The following ALKBH5 variants were observed in gnomAD, a reference collection of about 807,000 sequenced individuals.
The protein encoded by ALKBH5 is RNA demethylase ALKBH5.
ALKBH5 carries 2 observed loss-of-function variants against 32.1 expected under a neutral mutation model. The observed-to-expected ratio is 0.06, with a 90% CI of 0.03 to 0.20. The LOEUF is 0.20. Among genes scored for constraint, ALKBH5 ranks in the 10% least tolerant of loss-of-function variants. The pLI is 1.00. For synonymous variants in ALKBH5, 300 were observed against 231.7 expected, an observed-to-expected ratio of 1.29 and a Z score of -2.68; for missense variants, 352 against 559.5, an observed-to-expected ratio of 0.63 and a Z score of 3.74.
At chr17:18,205,605 C>T (rs951325278) in intron 2 of ALKBH5, among the ~76,000 whole-genome samples, 8 of 152,224 alleles carry the variant, frequency 5.3e-5, no homozygotes, top group Admixed American at 3.3e-4. Context: ...AACTTTCCCC[C>T]GTGACTTGCA....
In ALKBH5 at chr17:18,184,351, C is replaced by T. The variant is rs2047122932; in HGVS notation, c.108C>T (p.Ala36=). ...GSREAAAAAA[A]AVAAAAAAAA... The stretch of plus-strand genomic sequence containing the variant: ...GGGAGGCCGCCGCCGCTGCCGCAGC[C>T]GCCGTAGCCGCCGCAGCCGCAGCCG... Residue 36 remains alanine (A), a synonymous_variant, in exon 1 of 4, where the codon GCC becomes GCT. Transcript: ENST00000399138. The T allele has an allele frequency of 2.6e-6, 4 of 1,512,808 alleles. No individual in the cohort carries two copies. The East Asian group carries it at 1.0e-4, about 39-fold the overall frequency. 93.7% of individuals were successfully genotyped at this position (1,512,808 alleles called of 1,614,324 possible). A position where few individuals can be genotyped will look rare whatever the true frequency, so the allele number is the denominator to read the frequency against.
chr17:18,185,046 G>A lies in ALKBH5; in HGVS notation c.770+33G>A. 3.2e-6 allele frequency: 5 copies of A among 1,585,442 alleles called. No individual in the cohort carries two copies. The South Asian group carries it at 4.5e-5, about 14-fold the overall frequency. The stretch of plus-strand genomic sequence containing the variant: ...ACCCGGGTGGAGGGGGCGGCCCTGC[G>A]CCTGCTGCCTTAGCTACCCACCCTG... On this transcript the variant is annotated intron_variant, in intron 1 of 3. Transcript: ENST00000399138.
rs2047292581 is a variant in ALKBH5 at position 18,209,558 on chromosome 17, T to G, written c.*1162T>G. The G allele has an allele frequency of 6.6e-6, 1 of 152,218 alleles. No homozygotes were observed. The allele number at this position is 152,218 out of a possible 1,614,324, so 9.4% of individuals were successfully genotyped here. On this transcript the variant is annotated 3_prime_UTR_variant, in exon 4 of 4. Transcript: ENST00000399138. ...AAAAAAGGTAAAGTCTTTGGTAGCT[T>G]CTATCCACTCAGATCCTGGAAGGCA... is the stretch of plus-strand genomic sequence containing the variant.
At position 18,208,117 on chromosome 17, in the gene ALKBH5, G is replaced by A; in HGVS notation, c.1008-102G>A. 4 of 1,296,116 alleles carry A rather than the reference G, an allele frequency of 3.1e-6. No individual in the cohort carries two copies. The East Asian group carries it at 9.4e-5, about 30-fold the overall frequency. The allele number at this position is 1,296,116 out of a possible 1,614,324, so 80.3% of individuals were successfully genotyped here. On this transcript the variant is annotated intron_variant, in intron 3 of 3. Coordinates refer to ENST00000399138, the MANE Select transcript of ALKBH5 (RefSeq NM_017758.4). ...GGACTACCCTTCGTTGAGGACCACT[G>A]AGCTGAAGTGACCCATCCCAAGGAT...
intron 1 of ALKBH5, among the ~76,000 whole-genome samples, chr17:18,194,411 C>G (rs2047194733): frequency 6.6e-6 from 1 of 152,206 alleles, no homozygotes. Context: ...ACCTCGGCCT[C>G]CCAAAGTGCT....
intron 1 of ALKBH5, among the ~76,000 whole-genome samples, chr17:18,185,603 C>T (rs1370076115): frequency 2.6e-5 from 4 of 152,168 alleles, no homozygotes; most frequent in Admixed American, 6.5e-5. Flanking sequence ...AAAATTCTTC[C>T]CTCCTGGCTG....
chr17:18,191,569 A>G (rs2047175222), intron 1 of ALKBH5, among the ~76,000 whole-genome samples: 1 of 152,166 alleles, frequency 6.6e-6, no homozygotes, highest in African/African-American at 2.4e-5. Context: ...GGAGATGGGA[A>G]GTCAGGGCCC....
intron 2 of ALKBH5, among the ~76,000 whole-genome samples, chr17:18,201,781 AGATAGGATAGATAAGATAGATAGAT>A (rs1567676623): frequency 1.6e-4 from 17 of 106,046 alleles, no homozygotes; most frequent in Non-Finnish European, 3.1e-4. Context: ...ATAGATAGAT[AGATAGGATAGATAAGATAGATAGAT>A]AGATAGATAG....
chr17:18,193,064 G>C (rs1567674875), intron 1 of ALKBH5, among the ~76,000 whole-genome samples: 3 of 151,788 alleles, frequency 2.0e-5, no homozygotes, highest in Admixed American at 2.0e-4. Context: ...CACCATGTCG[G>C]CCAGACTGGT....
chr17:18,207,611 C>T (rs1450612171), intron 3 of ALKBH5, among the ~76,000 whole-genome samples: 2 of 151,292 alleles, frequency 1.3e-5, no homozygotes, highest in African/African-American at 2.4e-5. Flanking sequence ...GGCAGTGACC[C>T]GAGATGGCAC....
chr17:18,186,403 C>A (rs1437691557), intron 1 of ALKBH5, among the ~76,000 whole-genome samples: 3 of 152,108 alleles, frequency 2.0e-5, no homozygotes, highest in African/African-American at 7.2e-5. Flanking sequence ...GGGGTCTGAC[C>A]CCATTGACGG....
chr17:18,202,592 C>G (rs975311094), intron 2 of ALKBH5, among the ~76,000 whole-genome samples: 1 of 152,076 alleles, frequency 6.6e-6, no homozygotes, highest in Non-Finnish European at 1.5e-5. Flanking sequence ...ACAAGGATGC[C>G]TGGTAAAGGT....
Position 18,193,583 on chromosome 17 carries a change from A to G in ALKBH5, c.771-1372A>G, listed in dbSNP as rs116447268. Among the ~76,000 whole-genome samples the G allele has an allele frequency of 5.2e-3, 788 of 152,114 alleles. 4 individuals carry two copies. The highest frequency in any genetic ancestry group is 0.017 in the Middle Eastern group (5 of 294). On this transcript the variant is annotated intron_variant, in intron 1 of 3. Coordinates refer to ENST00000399138, the MANE Select transcript of ALKBH5 (RefSeq NM_017758.4). ...ATTAAATAAAATAAAGGTTTGTTCT[A>G]TCCCCAGCATGAGCTCAAATCAGAT...
At chr17:18,195,243 T>G (rs893404609) in intron 2 of ALKBH5, among the ~76,000 whole-genome samples, 7 of 152,370 alleles carry the variant, frequency 4.6e-5, no homozygotes, top group African/African-American at 1.7e-4. Context: ...TTAGGGAGTT[T>G]AGGACTGAGC....
chr17:18,195,328 C>G (rs780811394), intron 2 of ALKBH5, among the ~76,000 whole-genome samples: 1 of 152,150 alleles, frequency 6.6e-6, no homozygotes, highest in African/African-American at 2.4e-5. Flanking sequence ...AAACCTCACC[C>G]CACCCCTTAG....
At chr17:18,188,191 C>G (rs917766664) in intron 1 of ALKBH5, among the ~76,000 whole-genome samples, 1 of 152,232 alleles carries the variant, frequency 6.6e-6, no homozygotes, top group South Asian at 2.1e-4. Context: ...TTCTCCTATT[C>G]CCTGTTGGCT....
chr17:18,200,312 A>G (rs2047229218), intron 2 of ALKBH5, among the ~76,000 whole-genome samples: 2 of 152,054 alleles, frequency 1.3e-5, no homozygotes, highest in African/African-American at 2.4e-5. Flanking sequence ...TTGATTCTCA[A>G]GAGATGGCTT....
Position 18,184,291 on chromosome 17 carries a change from C to T in ALKBH5, c.48C>T (p.Ser16=), listed in dbSNP as rs1339855818. 1 of 1,527,764 alleles carries T rather than the reference C, an allele frequency of 6.5e-7. No individual in the cohort carries two copies. Among genetic ancestry groups the T allele is most frequent in the Non-Finnish European group, 8.8e-7 (1 of 1,140,388 alleles). 94.6% of individuals were successfully genotyped at this position (1,527,764 alleles called of 1,614,324 possible). The change falls in exon 1 of 4, where the codon TCC becomes TCT. Residue 16 remains serine, a synonymous_variant. Coordinates refer to ENST00000399138, the MANE Select transcript of ALKBH5 (RefSeq NM_017758.4). ...GYTDLREKLK[S]MTSRDNYKAG... Reference sequence around the variant, plus strand: ...CGGACCTGCGTGAGAAGCTCAAGTCCATGACGTCCCGGGACAACTATAAGG... The same window carrying T: ...CGGACCTGCGTGAGAAGCTCAAGTCTATGACGTCCCGGGACAACTATAAGG...
chr17:18,194,750 G>C (rs760616154), intron 1 of ALKBH5, among the ~76,000 whole-genome samples: 24 of 152,148 alleles, frequency 1.6e-4, no homozygotes, highest in Non-Finnish European at 3.4e-4. Flanking sequence ...GTCATACCAG[G>C]TTTTTCCTTG....
Sources: gnomAD v4.1 joint callset for allele counts (sites outside exome capture counted in the v4.1 genomes callset) on GRCh38, gnomAD v4.1.1 for gene constraint, MANE v1.5 for transcripts, NCBI Gene and HGNC (gene_info 2026-07-23, HGNC 2026-07-21) for gene names.